MYH10: variants seen among roughly 807,000 people sequenced by gnomAD.
MYH10 encodes the protein myosin-10.
In MYH10, 55 loss-of-function variants were observed where a neutral mutation model predicts 257.8. The ratio of observed to expected loss-of-function variants is 0.21; its 90% CI spans 0.17 to 0.27. MYH10 has a LOEUF of 0.27. MYH10 is among the 10% of genes least tolerant of loss of function. MYH10 has a pLI of 1.00. For missense variants in MYH10, 1,631 were observed against 2,500.6 expected (o/e 0.65, Z 7.42); for synonymous variants, 854 against 921.7 (o/e 0.93, Z 1.33).
At chr17:8,572,253 TGTGTGAGTGAGA>T (rs1357430499) in intron 6 of MYH10, among the ~76,000 whole-genome samples, 6 of 93,696 alleles carry the variant, frequency 6.4e-5, no homozygotes, top group African/African-American at 1.1e-4. Context: ...TGTGTGTGTG[TGTGTGAGTGAGA>T]GAGAGAGAGA....
chr17:8,560,611 G>T (rs1042807604), intron 7 of MYH10: 1 of 902,016 alleles, frequency 1.1e-6, no homozygotes. Context: ...AAAAGGATTT[G>T]GTTATAAGGG....
chr17:8,474,507 AGAG>A lies in MYH10; in HGVS notation c.*1294_*1296del, dbSNP rs1232633198. On this transcript the variant is annotated 3_prime_UTR_variant, in exon 43 of 43. Coordinates refer to ENST00000360416, the MANE Select transcript of MYH10 (RefSeq NM_001256012.3). ...AGGTTTGTGTTTTCAAGCACATTGC[AGAG>A]GATCAAGGATTTAGAATTAACACTG... 1 of 152,656 alleles carries A rather than the reference AGAG, an allele frequency of 6.6e-6. No individual in the cohort carries two copies. The highest frequency in any genetic ancestry group is 1.5e-5 in the Non-Finnish European group (1 of 68,042). The allele number at this position is 152,656 out of a possible 1,614,324, so 9.5% of individuals were successfully genotyped here. A position where few individuals can be genotyped will look rare whatever the true frequency, so the allele number is the denominator to read the frequency against.
intron 37 of MYH10, among the ~76,000 whole-genome samples, chr17:8,481,794 G>A (rs1475714650): frequency 2.6e-5 from 4 of 152,236 alleles, no homozygotes; most frequent in African/African-American, 4.8e-5. Context: ...TGGCCCTGAA[G>A]TATCTTTCAC....
chr17:8,622,362 A>G lies in MYH10; in HGVS notation c.345+540T>C, dbSNP rs1339171477. ...AGTCGGTGACTCCAACATTCATGTC[A>G]GCTGCTAACCACAGGACGACCCCAG... is the stretch of plus-strand genomic sequence containing the variant. On this transcript the variant is annotated intron_variant, in intron 2 of 42. Transcript: ENST00000360416. Among the ~76,000 whole-genome samples, 4 of 152,202 alleles carry G rather than the reference A, an allele frequency of 2.6e-5. No homozygotes were observed. The East Asian group carries it at 7.7e-4, about 29-fold the overall frequency.
At chr17:8,592,523 T>A (rs893947366) in intron 3 of MYH10, among the ~76,000 whole-genome samples, 1 of 151,758 alleles carries the variant, frequency 6.6e-6, no homozygotes, top group Non-Finnish European at 1.5e-5. Flanking sequence ...AAGAATGACT[T>A]TATGACAAAA....
rs752830601 is a variant in MYH10, at chr17:8,487,493, G to C, written c.4986C>G (p.Ala1662=). 5 of 1,614,146 alleles carry C rather than the reference G, an allele frequency of 3.1e-6. No individual in the cohort carries two copies. The South Asian group carries it at 5.5e-5, about 18-fold the overall frequency. ...GAGCTTTGTTCGCAGCCTCGATTTGGGCTTCGAGGTCCTTCAGGTCTATCT... is the reference window on the plus strand; with the variant it reads ...GAGCTTTGTTCGCAGCCTCGATTTGCGCTTCGAGGTCCTTCAGGTCTATCT... ...KMEIDLKDLE[A]QIEAANKARD... is the part of the protein sequence containing the mutation. The change falls in exon 36 of 43, where the codon GCC becomes GCG. Residue 1662 remains alanine, a synonymous_variant. Coordinates refer to ENST00000360416, the MANE Select transcript of MYH10 (RefSeq NM_001256012.3).
chr17:8,623,118 A>T lies in MYH10; in HGVS notation c.129T>A (p.His43Gln). Residue 43 changes from histidine to glutamine, a missense_variant, in exon 2 of 43, where the codon CAT (histidine) becomes CAA (glutamine). Physicochemically the swap from His to Gln is conservative, Grantham distance 24 (BLOSUM62 0). Coordinates refer to ENST00000360416, the MANE Select transcript of MYH10 (RefSeq NM_001256012.3). ...KKLVWIPSER[H>Q]GFEAASIKEE... is the part of the protein sequence containing the mutation. ...CTTTGATACTAGCTGCCTCAAAACC[A>T]TGGCGTTCTGATGGAATCCACACTA... The T allele has an allele frequency of 6.2e-7, 1 of 1,613,984 alleles. No individual in the cohort carries two copies. The highest frequency in any genetic ancestry group is 8.5e-7 in the Non-Finnish European group (1 of 1,179,988).
chr17:8,558,000 CATT>C (rs1252544352), intron 7 of MYH10, among the ~76,000 whole-genome samples: 3 of 152,180 alleles, frequency 2.0e-5, no homozygotes, highest in African/African-American at 7.2e-5. Context: ...GCAAATCCAT[CATT>C]ATGAGGCTGC....
rs548684017 is a variant in MYH10, at chr17:8,584,819, T to C, written c.530+4262A>G. 2.0e-5 allele frequency among the ~76,000 whole-genome samples: 3 copies of C among 152,262 alleles called. No individual in the cohort carries two copies. The South Asian group carries it at 6.2e-4, about 32-fold the overall frequency. On this transcript the variant is annotated intron_variant, in intron 4 of 42. Transcript: ENST00000360416. ...ATTAAGAAATAATAATAAAACCATG[T>C]TGCATCTAGTTGTATTTATTTTTTA...
At chr17:8,595,595 G>T (rs1208961871) in intron 3 of MYH10, among the ~76,000 whole-genome samples, 1 of 151,920 alleles carries the variant, frequency 6.6e-6, no homozygotes, top group Non-Finnish European at 1.5e-5. Flanking sequence ...ACCACACCCG[G>T]CTAATTTTGT....
In MYH10 at chr17:8,477,186, T is replaced by C. The variant is rs2058788011; in HGVS notation, c.5707-138A>G. On this transcript the variant is annotated intron_variant, in intron 41 of 42. Coordinates refer to ENST00000360416, the MANE Select transcript of MYH10 (RefSeq NM_001256012.3). The surrounding 1 kb of genome is among the most constrained non-coding windows in gnomAD (Gnocchi z 4.2). ...GTGTACACGGATGTACACGCGTGCC[T>C]GGGGGCTGGTCGGAGGCTCTGTAAC... 3.3e-6 allele frequency: 3 copies of C among 912,302 alleles called. No individual in the cohort carries two copies. Among genetic ancestry groups the C allele is most frequent in the Non-Finnish European group, 4.8e-6 (3 of 622,540 alleles). 56.5% of individuals were successfully genotyped at this position (912,302 alleles called of 1,614,324 possible).
chr17:8,493,435 A>G (rs1916082133), intron 32 of MYH10, among the ~76,000 whole-genome samples: 1 of 152,216 alleles, frequency 6.6e-6, no homozygotes, highest in South Asian at 2.1e-4. Flanking sequence ...AAAAATCAAT[A>G]CTGTGATTTT....
chr17:8,571,519 A>C (rs528514253), intron 6 of MYH10, among the ~76,000 whole-genome samples: 77 of 152,220 alleles, frequency 5.1e-4, no homozygotes, highest in African/African-American at 1.6e-3. Flanking sequence ...GCGGTGGCTT[A>C]TGCCTGTAAT....
intron 2 of MYH10, among the ~76,000 whole-genome samples, chr17:8,615,334 T>C (rs1201918348): frequency 6.6e-6 from 1 of 151,884 alleles, no homozygotes; most frequent in Non-Finnish European, 1.5e-5. Context: ...GTATCTATTA[T>C]AGAAAAACTT....
chr17:8,536,462 TCAGTCATC>T (rs2082139917), intron 14 of MYH10, among the ~76,000 whole-genome samples: 1 of 152,206 alleles, frequency 6.6e-6, no homozygotes, highest in Admixed American at 6.5e-5. Context: ...ATAAACTAAG[TCAGTCATC>T]AATTGCCTTA....
At chr17:8,487,941 C>T (rs985686401) in intron 35 of MYH10, among the ~76,000 whole-genome samples, 7 of 152,220 alleles carry the variant, frequency 4.6e-5, no homozygotes, top group South Asian at 2.1e-4. Context: ...AGGCACAGAG[C>T]GGGCATGGGG....
chr17:8,549,494 C>T (rs1383517031), intron 9 of MYH10, among the ~76,000 whole-genome samples: 3 of 152,180 alleles, frequency 2.0e-5, no homozygotes, highest in Non-Finnish European at 4.4e-5. Context: ...CTCAAAATAG[C>T]AGGGCTATTT....
intron 21 of MYH10, among the ~76,000 whole-genome samples, chr17:8,514,725 C>T (rs944413629): frequency 1.3e-5 from 2 of 152,080 alleles, no homozygotes; most frequent in Admixed American, 1.3e-4. Flanking sequence ...TTATGAAACT[C>T]TCAGGGTCCA....
At chr17:8,574,421 G>A (rs562588381) in intron 6 of MYH10, among the ~76,000 whole-genome samples, 16 of 152,246 alleles carry the variant, frequency 1.1e-4, no homozygotes, top group African/African-American at 3.9e-4. Context: ...TTTCTTTTGG[G>A]GTGAGGAAAA....
Sources: allele counts gnomAD v4.1 joint callset (sites outside exome capture counted in the v4.1 genomes callset), GRCh38; gene constraint gnomAD v4.1.1; non-coding constraint Gnocchi (gnomAD v3.1); transcripts MANE v1.5; gene names NCBI Gene and HGNC (gene_info 2026-07-23, HGNC 2026-07-21).